The following MLLT10 variants were observed in gnomAD, a reference collection of about 807,000 sequenced individuals.
The protein encoded by MLLT10 is MLLT10 histone lysine methyltransferase DOT1L cofactor, also known as protein AF-10.
MLLT10 carries 30 observed loss-of-function variants against 129.1 expected under a neutral mutation model. The ratio of observed to expected loss-of-function variants is 0.23; its 90% CI spans 0.17 to 0.32. The LOEUF is 0.32. MLLT10 is among the 10% of genes least tolerant of loss of function. The probability of loss-of-function intolerance (pLI) is 1.00; values close to 1 mark genes in which losing one functional copy is unlikely to be tolerated. For missense variants in MLLT10, 1,119 were observed against 1,268.3 expected (o/e 0.88, Z 1.79); for synonymous variants, 490 against 446.4 (o/e 1.10, Z -1.23).
At chr10:21,597,464 G>A (rs2043129650) in intron 5 of MLLT10, among the ~76,000 whole-genome samples, 1 of 152,238 alleles carries the variant, frequency 6.6e-6, no homozygotes, top group South Asian at 2.1e-4. Flanking sequence ...CCACCTCCTG[G>A]GTTCAAGTGA....
chr10:21,588,642 A>G lies in MLLT10; in HGVS notation c.295+2294A>G, dbSNP rs983982263. Among the ~76,000 whole-genome samples the G allele has an allele frequency of 3.9e-5, 6 of 152,114 alleles. 1 individual carries two copies. The highest frequency in any genetic ancestry group is 3.9e-4 in the Admixed American group (6 of 15,250). ...ACCAATATATGTTCCCAGTTTTACCAATATATGAATAAAAAAGCTGTTCTA... is the reference window on the plus strand; with the variant it reads ...ACCAATATATGTTCCCAGTTTTACCGATATATGAATAAAAAAGCTGTTCTA... On this transcript the variant is annotated intron_variant, in intron 4 of 22. Coordinates refer to ENST00000307729, the MANE Select transcript of MLLT10 (RefSeq NM_001195626.3).
At chr10:21,565,410 C>T (rs1176998553) in intron 3 of MLLT10, among the ~76,000 whole-genome samples, 9 of 152,130 alleles carry the variant, frequency 5.9e-5, no homozygotes, top group African/African-American at 1.4e-4. Context: ...CGGATTGAAG[C>T]GATTCTTCTG....
At chr10:21,704,220 G>T (rs1387536984) in intron 13 of MLLT10, among the ~76,000 whole-genome samples, 1 of 149,588 alleles carries the variant, frequency 6.7e-6, no homozygotes, top group African/African-American at 2.5e-5. Context: ...TGTTGGCCAG[G>T]CTGATGTTGC....
Position 21,590,955 on chromosome 10 carries a change from T to C in MLLT10, c.296-4376T>C, listed in dbSNP as rs536902648. Among the ~76,000 whole-genome samples, 3 of 152,356 alleles carry C rather than the reference T, an allele frequency of 2.0e-5. No individual in the cohort carries two copies. The East Asian group carries it at 5.8e-4, about 29-fold the overall frequency. The stretch of plus-strand genomic sequence containing the variant: ...TTATAAAGGTGGAACCTTAGGTCTT[T>C]TATTTTAGATATTCTTTTCTAATGA... On this transcript the variant is annotated intron_variant, in intron 4 of 22. Coordinates refer to ENST00000307729, the MANE Select transcript of MLLT10 (RefSeq NM_001195626.3).
At chr10:21,667,961 T>G (rs767549264) in intron 9 of MLLT10, among the ~76,000 whole-genome samples, 15 of 152,136 alleles carry the variant, frequency 9.9e-5, no homozygotes, top group Non-Finnish European at 1.9e-4. Flanking sequence ...GAATTAGCCT[T>G]TTAAAAGATT....
chr10:21,634,698 A>G (rs2131275748), intron 8 of MLLT10, among the ~76,000 whole-genome samples: 1 of 152,284 alleles, frequency 6.6e-6, no homozygotes, highest in Middle Eastern at 3.4e-3. Flanking sequence ...TGCTTTGGTT[A>G]TGAAGAACTT....
chr10:21,599,186 A>C (rs2043284672), intron 5 of MLLT10, among the ~76,000 whole-genome samples: 1 of 151,286 alleles, frequency 6.6e-6, no homozygotes. Flanking sequence ...TCAAAAAAAA[A>C]AAAAAATTAG....
intron 3 of MLLT10, among the ~76,000 whole-genome samples, chr10:21,560,861 G>A (rs2038716050): frequency 6.6e-6 from 1 of 151,908 alleles, no homozygotes; most frequent in Admixed American, 6.6e-5. Context: ...TCTGCTTCTT[G>A]GCCATTTGTG....
At chr10:21,588,028 G>A (rs2042160058) in intron 4 of MLLT10, among the ~76,000 whole-genome samples, 1 of 151,994 alleles carries the variant, frequency 6.6e-6, no homozygotes, top group Non-Finnish European at 1.5e-5. Flanking sequence ...TTATTTCACT[G>A]AACAATTTAT....
intron 4 of MLLT10, among the ~76,000 whole-genome samples, chr10:21,588,739 G>A (rs2042229370): frequency 6.6e-6 from 1 of 151,846 alleles, no homozygotes; most frequent in South Asian, 2.1e-4. Flanking sequence ...CTTAATATTA[G>A]TGAGGTTCAC....
chr10:21,731,313 C>T lies in MLLT10; in HGVS notation c.2218+259C>T, dbSNP rs184898476. Among the ~76,000 whole-genome samples the T allele has an allele frequency of 2.0e-5, 3 of 152,056 alleles. No homozygotes were observed. In the East Asian group the frequency reaches 5.8e-4, roughly 29 times the overall value. On this transcript the variant is annotated intron_variant, in intron 17 of 22. Coordinates refer to ENST00000307729, the MANE Select transcript of MLLT10 (RefSeq NM_001195626.3). ...ATGTTTTTTAAAGTTCTTTAATCTC[C>T]TATTTTTACAATTGGGAGTAATAAT...
intron 8 of MLLT10, among the ~76,000 whole-genome samples, chr10:21,622,153 CTTTTT>C (rs71393915): frequency 1.2e-4 from 12 of 99,816 alleles, no homozygotes; most frequent in African/African-American, 5.0e-4. Flanking sequence ...TTTGTTTTTC[CTTTTT>C]TTTTTTTTTT....
At chr10:21,539,080 A>G in intron 3 of MLLT10, 168 bp downstream of exon 3, 1 of 498,156 alleles carries the variant, frequency 2.0e-6, no homozygotes, top group Non-Finnish European at 3.6e-6. Flanking sequence ...ATTTTGTAAA[A>G]CTGAAAAACA....
rs183602494 is a variant in MLLT10, at chr10:21,672,374, T to C, written c.1052-976T>C. On this transcript the variant is annotated intron_variant, in intron 10 of 22. Transcript: ENST00000307729. ...TCCCAAGTAGATGGGACCACAAGCATGCGTCACCATGCCCAGCTCATTTTT... is the reference window on the plus strand; with the variant it reads ...TCCCAAGTAGATGGGACCACAAGCACGCGTCACCATGCCCAGCTCATTTTT... Among the ~76,000 whole-genome samples the C allele has an allele frequency of 2.8e-3, 420 of 152,210 alleles. 8 individuals carry two copies. Among genetic ancestry groups the C allele is most frequent in the Admixed American group, 0.024 (366 of 15,278 alleles).
At position 21,577,632 on chromosome 10, in the gene MLLT10, G is replaced by A. The variant is rs567792245; in HGVS notation, c.241-8662G>A. Among the ~76,000 whole-genome samples, 3 of 151,460 alleles carry A rather than the reference G, an allele frequency of 2.0e-5. No homozygotes were observed. The Admixed American group carries it at 2.0e-4, about 10-fold the overall frequency. ...GATTACAGGCACCCACCATCATGCC[G>A]GGCTAATTTTTGTATTTTTGTAGAG... is the stretch of plus-strand genomic sequence containing the variant. On this transcript the variant is annotated intron_variant, in intron 3 of 22. Transcript: ENST00000307729.
intron 14 of MLLT10, among the ~76,000 whole-genome samples, chr10:21,716,931 G>A (rs2056605224): frequency 6.6e-6 from 1 of 151,844 alleles, no homozygotes; most frequent in Admixed American, 6.6e-5. Flanking sequence ...TAAGTAAATA[G>A]ACCTCTACAT....
At chr10:21,732,751 T>A in intron 17 of MLLT10, 148 bp from the exon 18 acceptor site, 1 of 646,078 alleles carries the variant, frequency 1.5e-6, no homozygotes, top group Non-Finnish European at 2.4e-6. Flanking sequence ...ATAAACAAAT[T>A]TAGGAACAAA....
intron 14 of MLLT10, among the ~76,000 whole-genome samples, chr10:21,724,441 T>C (rs1339113783): frequency 1.3e-5 from 2 of 152,280 alleles, no homozygotes. Context: ...TGTGCAGTTA[T>C]ACATATCCAA....
chr10:21,592,467 T>G (rs1341391599), intron 4 of MLLT10, among the ~76,000 whole-genome samples: 1 of 151,962 alleles, frequency 6.6e-6, no homozygotes, highest in Non-Finnish European at 1.5e-5. Flanking sequence ...TGTTTTTGTT[T>G]TTTTTTGAGA....
Sources: gnomAD v4.1 joint callset for allele counts (sites outside exome capture counted in the v4.1 genomes callset) on GRCh38, gnomAD v4.1.1 for gene constraint, MANE v1.5 for transcripts, NCBI Gene and HGNC (gene_info 2026-07-23, HGNC 2026-07-21) for gene names.